Variants in YAF2 observed in about 807,000 individuals in gnomAD.
YAF2 encodes YY1-associated factor 2.
In YAF2, 7 loss-of-function variants were observed where a neutral mutation model predicts 20.1. The observed-to-expected ratio is 0.35, with a 90% confidence interval of 0.20 to 0.65. The LOEUF (loss-of-function observed/expected upper bound fraction) is 0.65, where lower values mean the gene tolerates loss of function less well. YAF2 is among the 30% of genes least tolerant of loss of function. YAF2 has a pLI of 0.69. For missense variants in YAF2, 151 were observed against 219.2 expected (o/e 0.69, Z 1.96); for synonymous variants, 74 against 76.0 (o/e 0.97, Z 0.14).
Position 42,171,850 on chromosome 12 carries a change from G to C in YAF2, c.153-10085C>G, listed in dbSNP as rs2066058896. On this transcript the variant is annotated intron_variant, in intron 2 of 3. Transcript: ENST00000534854. ...GTACTGGTGCGTGCCTGTAGTCCCA[G>C]CTACCCAGGAGGCTGAGATGAGAGG... Among the ~76,000 whole-genome samples the C allele has an allele frequency of 2.6e-5, 4 of 151,716 alleles. No homozygotes were observed. The South Asian group carries it at 8.3e-4, about 32-fold the overall frequency.
intron 2 of YAF2, among the ~76,000 whole-genome samples, chr12:42,206,158 T>C (rs1184210927): frequency 1.3e-5 from 2 of 152,172 alleles, no homozygotes; most frequent in Non-Finnish European, 2.9e-5. Context: ...AGCTGTGTCA[T>C]ATCTTCTATT....
intron 2 of YAF2, chr12:42,232,314 T>G (rs147504713): frequency 1.5e-6 from 1 of 666,608 alleles, no homozygotes; most frequent in African/African-American, 2.0e-5. Context: ...GCAAATAACA[T>G]CTTCAAATTA....
chr12:42,201,537 T>C (rs1314796557), intron 2 of YAF2, among the ~76,000 whole-genome samples: 1 of 152,198 alleles, frequency 6.6e-6, no homozygotes, highest in Non-Finnish European at 1.5e-5. Flanking sequence ...GTGTGTCTCC[T>C]CCTAGGTATG....
chr12:42,163,918 G>T (rs1054261789), intron 2 of YAF2, among the ~76,000 whole-genome samples: 1 of 152,098 alleles, frequency 6.6e-6, no homozygotes, highest in Non-Finnish European at 1.5e-5. Flanking sequence ...TTTTCTATTT[G>T]ATGAGAAAAA....
At chr12:42,178,614 T>C (rs542082791) in intron 2 of YAF2, among the ~76,000 whole-genome samples, 1 of 152,298 alleles carries the variant, frequency 6.6e-6, no homozygotes, top group African/African-American at 2.4e-5. Context: ...CCCATTTTCA[T>C]TTTTATTTTT....
intron 2 of YAF2, chr12:42,199,625 A>G (rs1316449957): frequency 6.5e-6 from 1 of 154,532 alleles, no homozygotes; most frequent in African/African-American, 2.4e-5. Flanking sequence ...GAAACAGTCT[A>G]TGGTCCTAAC....
chr12:42,226,972 G>T (rs1356300389), intron 2 of YAF2, among the ~76,000 whole-genome samples: 1 of 149,032 alleles, frequency 6.7e-6, no homozygotes, highest in African/African-American at 2.4e-5. Context: ...TGCGGCCCGG[G>T]GCAGTGCGGA....
At chr12:42,198,529 T>A (rs1280050805) in intron 2 of YAF2, among the ~76,000 whole-genome samples, 3 of 152,196 alleles carry the variant, frequency 2.0e-5, no homozygotes, top group Admixed American at 2.0e-4. Context: ...CAGGTTGCAG[T>A]GAGCTGAGAT....
At chr12:42,170,136 T>TGTAACCTCCTCA (rs2066010323) in intron 2 of YAF2, among the ~76,000 whole-genome samples, 4 of 152,180 alleles carry the variant, frequency 2.6e-5, no homozygotes, top group Non-Finnish European at 5.9e-5. Flanking sequence ...CCTCCCAAAG[T>TGTAACCTCCTCA]GCTGGGGTTA....
chr12:42,206,103 G>A (rs775497222), intron 2 of YAF2, among the ~76,000 whole-genome samples: 13 of 151,726 alleles, frequency 8.6e-5, no homozygotes, highest in Admixed American at 1.3e-4. Flanking sequence ...GTGCTTGTCC[G>A]GAGGAGTACT....
intron 2 of YAF2, among the ~76,000 whole-genome samples, chr12:42,173,675 C>A (rs2066108015): frequency 6.6e-6 from 1 of 152,132 alleles, no homozygotes; most frequent in Admixed American, 6.5e-5. Flanking sequence ...TCTACAGCAC[C>A]TTCTCCTTTC....
intron 2 of YAF2, among the ~76,000 whole-genome samples, chr12:42,193,955 A>T (rs1048663774): frequency 1.3e-5 from 2 of 152,192 alleles, no homozygotes; most frequent in African/African-American, 4.8e-5. Context: ...TTCATTTTTA[A>T]CAAACAGTTT....
At chr12:42,171,819 C>T (rs1431771816) in intron 2 of YAF2, among the ~76,000 whole-genome samples, 5 of 151,466 alleles carry the variant, frequency 3.3e-5, no homozygotes. Flanking sequence ...AAAAAATTGG[C>T]CAGGTGTACT....
chr12:42,173,168 T>G (rs762728986), intron 2 of YAF2, among the ~76,000 whole-genome samples: 1 of 152,202 alleles, frequency 6.6e-6, no homozygotes, highest in African/African-American at 2.4e-5. Context: ...TCATAGACAC[T>G]GCAGCCTCAA....
chr12:42,171,933 C>T (rs765745026), intron 2 of YAF2, among the ~76,000 whole-genome samples: 5 of 152,174 alleles, frequency 3.3e-5, no homozygotes, highest in Non-Finnish European at 5.9e-5. Context: ...CACTGCACTC[C>T]AGAATGGGAG....
intron 2 of YAF2, among the ~76,000 whole-genome samples, chr12:42,180,927 G>A (rs922447159): frequency 1.3e-5 from 2 of 152,194 alleles, no homozygotes; most frequent in African/African-American, 4.8e-5. Flanking sequence ...CAGCCTGGGC[G>A]ACACAGCAAG....
chr12:42,204,899 G>C (rs2066996384), intron 2 of YAF2, among the ~76,000 whole-genome samples: 1 of 152,072 alleles, frequency 6.6e-6, no homozygotes, highest in South Asian at 2.1e-4. Context: ...AAGATTAGTA[G>C]ATGCCTAAGG....
chr12:42,229,275 G>C (rs1277100317), intron 2 of YAF2, among the ~76,000 whole-genome samples: 2 of 122,712 alleles, frequency 1.6e-5, no homozygotes, highest in Non-Finnish European at 3.3e-5. Context: ...CAAACACTGC[G>C]GAAGGCCGCA....
At chr12:42,188,383 C>CTTTT (rs765727694) in intron 2 of YAF2, among the ~76,000 whole-genome samples, 3 of 118,852 alleles carry the variant, frequency 2.5e-5, no homozygotes, top group African/African-American at 6.3e-5. Flanking sequence ...ATATATTTTG[C>CTTTT]TTTTTTTTTT....
Sources: allele counts gnomAD v4.1 joint callset (sites outside exome capture counted in the v4.1 genomes callset), GRCh38; gene constraint gnomAD v4.1.1; transcripts MANE v1.5; gene names NCBI Gene and HGNC (gene_info 2026-07-23, HGNC 2026-07-21).